Variants in PAM observed in about 807,000 individuals in gnomAD.
PAM encodes peptidylglycine alpha-amidating monooxygenase.
PAM carries 72 observed loss-of-function variants against 122.1 expected under a neutral mutation model. That is an observed-to-expected ratio of 0.59 (90% CI 0.49 to 0.72). PAM has a LOEUF of 0.72. Among genes scored for constraint, PAM ranks in the 30% least tolerant of loss-of-function variants. The pLI is 0.00. For synonymous variants in PAM, 389 were observed against 404.4 expected (o/e 0.96, Z 0.46); for missense variants, 1,106 against 1,183.7 (o/e 0.93, Z 0.96).
intron 20 of PAM, among the ~76,000 whole-genome samples, chr5:103,009,481 C>T (rs1197237487): frequency 6.6e-6 from 1 of 152,070 alleles, no homozygotes; most frequent in Non-Finnish European, 1.5e-5. Context: ...ATATCAATAT[C>T]TATGTATTTC....
chr5:102,891,138 CAG>C (rs1794671470), intron 3 of PAM, among the ~76,000 whole-genome samples: 1 of 151,806 alleles, frequency 6.6e-6, no homozygotes, highest in Non-Finnish European at 1.5e-5. Context: ...AGTCATGAAA[CAG>C]AACAAAATTC....
intron 14 of PAM, among the ~76,000 whole-genome samples, chr5:102,971,952 A>T (rs1765964423): frequency 1.3e-5 from 2 of 152,162 alleles, no homozygotes; most frequent in Admixed American, 1.3e-4. Context: ...CTGAAACTTT[A>T]TTCTGGCAAG....
At chr5:102,949,695 T>C in intron 10 of PAM, 78 bp downstream of exon 10, 1 of 819,314 alleles carries the variant, frequency 1.2e-6, no homozygotes. Context: ...CAAATTGTGT[T>C]TGACCTTAAG....
intron 3 of PAM, among the ~76,000 whole-genome samples, chr5:102,887,142 T>C (rs374817077): frequency 4.6e-5 from 7 of 152,012 alleles, no homozygotes; most frequent in African/African-American, 1.7e-4. Flanking sequence ...ATGTTGAAAG[T>C]TGATTCCCAA....
intron 16 of PAM, among the ~76,000 whole-genome samples, chr5:102,998,947 T>A (rs1776546130): frequency 2.0e-5 from 3 of 152,222 alleles, no homozygotes; most frequent in African/African-American, 7.2e-5. Context: ...AGGAAAGAGG[T>A]TTAATTGACT....
intron 1 of PAM, among the ~76,000 whole-genome samples, chr5:102,859,749 A>G (rs537255878): frequency 3.1e-4 from 47 of 152,316 alleles, no homozygotes; most frequent in Non-Finnish European, 5.0e-4. Context: ...AGCTCCATTT[A>G]TAAGTGCCGT....
chr5:102,945,300 C>T (rs1756662216), intron 7 of PAM, among the ~76,000 whole-genome samples: 1 of 151,946 alleles, frequency 6.6e-6, no homozygotes, highest in South Asian at 2.1e-4. Flanking sequence ...AAGGCACTAT[C>T]CTATGATCAA....
intron 20 of PAM, 76 bp from the exon 21 acceptor site, chr5:103,009,675 A>G (rs1324255714): frequency 2.5e-6 from 2 of 804,292 alleles, no homozygotes; most frequent in Non-Finnish European, 4.4e-6. Context: ...TATTCTTTGC[A>G]TAATATACAT....
intron 15 of PAM, chr5:102,989,817 T>TAGATAGATAGATAGATAGAC (rs1264617445): frequency 2.0e-5 from 3 of 151,898 alleles, no homozygotes; most frequent in African/African-American, 7.3e-5. Context: ...GATAGATAGA[T>TAGATAGATAGATAGATAGAC]AGATAGATAG....
intron 3 of PAM, among the ~76,000 whole-genome samples, chr5:102,870,101 ATT>A (rs111643580): frequency 4.1e-5 from 6 of 146,792 alleles, no homozygotes; most frequent in African/African-American, 2.5e-5. Flanking sequence ...ATGGCAGAGG[ATT>A]TTTTTTTTTT....
intron 1 of PAM, among the ~76,000 whole-genome samples, chr5:102,817,904 G>T (rs1280203144): frequency 6.6e-6 from 1 of 150,634 alleles, no homozygotes; most frequent in Non-Finnish European, 1.5e-5. Context: ...CTTTTTAATT[G>T]CTCCTCCCCC....
intron 1 of PAM, among the ~76,000 whole-genome samples, chr5:102,853,054 G>T (rs1025134421): frequency 6.6e-6 from 1 of 152,142 alleles, no homozygotes; most frequent in African/African-American, 2.4e-5. Context: ...GAATATAAAT[G>T]TACATAATTG....
At chr5:102,795,189 CAAAAA>C (rs33988105) in intron 1 of PAM, among the ~76,000 whole-genome samples, 1 of 59,682 alleles carries the variant, frequency 1.7e-5, no homozygotes, top group African/African-American at 6.5e-5. Context: ...GACAATGTCT[CAAAAA>C]AAAAAAAAAA....
intron 1 of PAM, among the ~76,000 whole-genome samples, chr5:102,792,807 A>G (rs950039869): frequency 2.0e-5 from 3 of 152,176 alleles, no homozygotes; most frequent in Admixed American, 6.5e-5. Context: ...CACAGTTATT[A>G]TGGTGGTCTC....
At chr5:102,910,326 T>C (rs1800996937) in intron 4 of PAM, among the ~76,000 whole-genome samples, 1 of 151,920 alleles carries the variant, frequency 6.6e-6, no homozygotes, top group African/African-American at 2.4e-5. Context: ...CAACATGTCA[T>C]CCACACATAT....
chr5:102,958,206 T>C (rs1054252191), intron 12 of PAM, among the ~76,000 whole-genome samples: 2 of 152,178 alleles, frequency 1.3e-5, no homozygotes, highest in Admixed American at 6.5e-5. Context: ...GACCCATCCA[T>C]TGATGAGTTG....
At chr5:102,958,198 C>T (rs998698158) in intron 12 of PAM, among the ~76,000 whole-genome samples, 1 of 152,060 alleles carries the variant, frequency 6.6e-6, no homozygotes, top group Non-Finnish European at 1.5e-5. Flanking sequence ...TATGGAAGGA[C>T]CCATCCATTG....
intron 15 of PAM, among the ~76,000 whole-genome samples, chr5:102,977,352 A>G (rs1196139926): frequency 2.0e-5 from 3 of 152,174 alleles, no homozygotes; most frequent in African/African-American, 7.2e-5. Context: ...ATAGAATGAT[A>G]TCTTCTGACT....
At chr5:102,907,923 G>T (rs977981612) in intron 4 of PAM, among the ~76,000 whole-genome samples, 5 of 151,654 alleles carry the variant, frequency 3.3e-5, no homozygotes, top group African/African-American at 1.2e-4. Context: ...TTTGTAGGTT[G>T]CCTGTTCACT....
Sources: gnomAD v4.1 joint callset for allele counts (sites outside exome capture counted in the v4.1 genomes callset) on GRCh38, gnomAD v4.1.1 for gene constraint, MANE v1.5 for transcripts, NCBI Gene and HGNC (gene_info 2026-07-23, HGNC 2026-07-21) for gene names.